PINX1: variants seen among roughly 807,000 people sequenced by gnomAD.
PINX1 encodes PIN2 (TERF1) interacting telomerase inhibitor 1.
A neutral mutation model predicts 25.4 loss-of-function variants in PINX1; 34 were observed. The ratio of observed to expected loss-of-function variants is 1.34; its 90% CI spans 1.02 to 1.78. The LOEUF (loss-of-function observed/expected upper bound fraction) is 1.78. Ranked by LOEUF, PINX1 falls within the 40% of genes most tolerant of loss-of-function variation. PINX1 has a pLI of 0.00. For missense variants in PINX1, 592 were observed against 404.9 expected (o/e 1.46, Z -3.97); for synonymous variants, 197 against 147.7 (o/e 1.33, Z -2.42).
intron 6 of PINX1, among the ~76,000 whole-genome samples, chr8:10,773,700 A>T (rs1328446249): frequency 6.6e-6 from 1 of 152,110 alleles, no homozygotes; most frequent in African/African-American, 2.4e-5. Context: ...TCCGATTGCC[A>T]CTTATTAGGA....
rs905377412 is a variant in PINX1 at position 10,765,630 on chromosome 8, T to C, written c.758A>G (p.Lys253Arg). Residue 253 changes from lysine to arginine, a missense_variant, in exon 7 of 7, where the codon AAG (lysine) becomes AGG (arginine). By Grantham distance (26) the Lys-to-Arg change is conservative. Coordinates refer to ENST00000314787, the MANE Select transcript of PINX1 (RefSeq NM_017884.6). ...AEAQERVAKK[K>R]SAPAEEQLRG... ...GAGCTGCTCTTCTGCTGGCGCGCTC[T>C]TCTTCTTGGCCACTCGCTCCTGGGC... 6.2e-7 allele frequency: 1 copy of C among 1,613,178 alleles called. No homozygotes were observed. Among genetic ancestry groups the C allele is most frequent in the Non-Finnish European group, 8.5e-7 (1 of 1,179,214 alleles).
intron 6 of PINX1, among the ~76,000 whole-genome samples, chr8:10,809,343 G>C (rs1254443647): frequency 6.6e-6 from 1 of 152,214 alleles, no homozygotes. Context: ...TAGCCTTCCT[G>C]TTTCTGAAGA....
At chr8:10,778,982 G>C (rs1309214663) in intron 6 of PINX1, among the ~76,000 whole-genome samples, 2 of 152,202 alleles carry the variant, frequency 1.3e-5, no homozygotes, top group Non-Finnish European at 2.9e-5. Context: ...TCTGGGAGGA[G>C]AGGTTAGCTC....
intron 6 of PINX1, among the ~76,000 whole-genome samples, chr8:10,788,342 A>C (rs1029302591): frequency 6.6e-6 from 1 of 152,224 alleles, no homozygotes; most frequent in African/African-American, 2.4e-5. Context: ...CAGGCAGATC[A>C]CATGAGGCCA....
rs192124039 is a variant in PINX1 at position 10,824,367 on chromosome 8, C to T, written c.394+1785G>A. On this transcript the variant is annotated intron_variant, in intron 5 of 6. Transcript: ENST00000314787. The stretch of plus-strand genomic sequence containing the variant: ...TCCTCACTCCCTGGACTTTTGCTTC[C>T]TTCTCCCTTTCCTACGTAGGCCCAG... Among the ~76,000 whole-genome samples, 5 of 152,322 alleles carry T rather than the reference C, an allele frequency of 3.3e-5. No homozygotes were observed. The East Asian group carries it at 7.7e-4, about 23-fold the overall frequency.
intron 6 of PINX1, among the ~76,000 whole-genome samples, chr8:10,799,816 G>A (rs1269360765): frequency 1.3e-5 from 2 of 152,310 alleles, no homozygotes; most frequent in East Asian, 1.9e-4. Context: ...TGGATGCTGG[G>A]AATTTTACTG....
chr8:10,827,839 A>G (rs1360314083), intron 4 of PINX1, among the ~76,000 whole-genome samples: 2 of 145,606 alleles, frequency 1.4e-5, no homozygotes, highest in African/African-American at 2.5e-5. Context: ...TGAACCTGGG[A>G]GGCAGAGCTT....
intron 6 of PINX1, among the ~76,000 whole-genome samples, chr8:10,814,740 T>A (rs920314557): frequency 6.6e-6 from 1 of 152,226 alleles, no homozygotes; most frequent in East Asian, 1.9e-4. Flanking sequence ...ATGATTTTTA[T>A]GGCAACAAAG....
At position 10,782,964 on chromosome 8, in the gene PINX1, T is replaced by A. The variant is rs190000065; in HGVS notation, c.472-17048A>T. On this transcript the variant is annotated intron_variant, in intron 6 of 6. Coordinates refer to ENST00000314787, the MANE Select transcript of PINX1 (RefSeq NM_017884.6). Reference sequence around the variant, plus strand: ...TATTCTGTCTTTCCTATATGCACTGTTCCTCAGAGTAATCTACTAATAAGG... The same window carrying A: ...TATTCTGTCTTTCCTATATGCACTGATCCTCAGAGTAATCTACTAATAAGG... 3.3e-3 allele frequency among the ~76,000 whole-genome samples: 495 copies of A among 152,300 alleles called. 14 individuals carry two copies. The highest frequency in any genetic ancestry group is 0.03 in the Admixed American group (457 of 15,294).
chr8:10,773,793 G>C (rs1801303903), intron 6 of PINX1, among the ~76,000 whole-genome samples: 1 of 152,190 alleles, frequency 6.6e-6, no homozygotes, highest in Admixed American at 6.5e-5. Context: ...TCACTGACAA[G>C]AGTCATCCAG....
chr8:10,776,446 T>TAAACAAAC (rs34577114), intron 6 of PINX1, among the ~76,000 whole-genome samples: 9 of 150,568 alleles, frequency 6.0e-5, no homozygotes, highest in Middle Eastern at 3.4e-3. Flanking sequence ...AATAAATAAA[T>TAAACAAAC]AAACAAACAA....
chr8:10,813,637 G>A (rs1797604532), intron 6 of PINX1, among the ~76,000 whole-genome samples: 1 of 152,152 alleles, frequency 6.6e-6, no homozygotes, highest in Non-Finnish European at 1.5e-5. Context: ...GAATTTCAAG[G>A]AAAATGATTA....
chr8:10,784,383 C>T (rs1041403814), intron 6 of PINX1, among the ~76,000 whole-genome samples: 1 of 152,094 alleles, frequency 6.6e-6, no homozygotes, highest in African/African-American at 2.4e-5. Context: ...AATCGGAATT[C>T]GATACATTAT....
intron 4 of PINX1, among the ~76,000 whole-genome samples, chr8:10,827,445 T>C (rs991846803): frequency 1.3e-5 from 2 of 152,066 alleles, no homozygotes; most frequent in Admixed American, 6.6e-5. Flanking sequence ...TCAGAGCAGG[T>C]TGATCTGGGG....
chr8:10,817,529 G>A (rs941512126), intron 6 of PINX1, among the ~76,000 whole-genome samples: 2 of 152,136 alleles, frequency 1.3e-5, no homozygotes, highest in East Asian at 1.9e-4. Context: ...TAAATGTAGA[G>A]GTCATTTTGC....
intron 4 of PINX1, among the ~76,000 whole-genome samples, chr8:10,828,398 A>G (rs1403244142): frequency 2.6e-5 from 4 of 152,184 alleles, no homozygotes; most frequent in Non-Finnish European, 5.9e-5. Context: ...GCTTTCCATG[A>G]ATTCTTGGAT....
intron 1 of PINX1, among the ~76,000 whole-genome samples, chr8:10,836,564 T>A (rs555304424): frequency 1.3e-5 from 2 of 151,844 alleles, no homozygotes; most frequent in Non-Finnish European, 2.9e-5. Flanking sequence ...TACCTACTTA[T>A]ATAAAACAAA....
chr8:10,792,691 G>A (rs994479367), intron 6 of PINX1, among the ~76,000 whole-genome samples: 2 of 152,180 alleles, frequency 1.3e-5, no homozygotes, highest in East Asian at 1.9e-4. Flanking sequence ...TTAGCATCTT[G>A]AGATTAAATG....
intron 6 of PINX1, among the ~76,000 whole-genome samples, chr8:10,796,157 A>C (rs1209214220): frequency 6.6e-5 from 10 of 152,186 alleles, no homozygotes; most frequent in Admixed American, 3.9e-4. Context: ...AGCACAGAGA[A>C]TATCTGCTGA....
Sources: allele counts gnomAD v4.1 joint callset (sites outside exome capture counted in the v4.1 genomes callset), GRCh38; gene constraint gnomAD v4.1.1; transcripts MANE v1.5; gene names NCBI Gene and HGNC (gene_info 2026-07-23, HGNC 2026-07-21).